The following PTPRJ variants were observed in gnomAD, a reference collection of about 807,000 sequenced individuals.
PTPRJ encodes receptor-type tyrosine-protein phosphatase eta.
PTPRJ carries 129 observed loss-of-function variants against 141.3 expected under a neutral mutation model. The ratio of observed to expected loss-of-function variants is 0.91; its 90% CI spans 0.79 to 1.06. The LOEUF is 1.06. Ranked by LOEUF, PTPRJ falls within the 50% of genes least tolerant of loss-of-function variation. The pLI is 0.00. For missense variants in PTPRJ, 1,601 were observed against 1,679.7 expected, an observed-to-expected ratio of 0.95 and a Z score of 0.82; for synonymous variants, 610 against 640.5, an observed-to-expected ratio of 0.95 and a Z score of 0.72.
chr11:48,136,197 A>T lies in PTPRJ; in HGVS notation c.1774A>T (p.Thr592Ser). ...CACAAGCACGTATGACAAAGCGATTACTCTCCAGGGCCTGATTCCGGGCAC... is the reference window on the plus strand; with the variant it reads ...CACAAGCACGTATGACAAAGCGATTTCTCTCCAGGGCCTGATTCCGGGCAC... ...NHTSTYDKAI[T>S]LQGLIPGTLY... The change falls in exon 9 of 25, where the codon ACT becomes TCT. Residue 592 changes from threonine (T) to serine (S), a missense_variant. By Grantham distance (58) the Thr-to-Ser change is moderately conservative. Transcript: ENST00000418331. 3 of 1,614,102 alleles carry T rather than the reference A, an allele frequency of 1.9e-6. No homozygotes were observed. The highest frequency in any genetic ancestry group is 2.5e-6 in the Non-Finnish European group (3 of 1,180,014).
chr11:48,145,261 A>G, intron 14 of PTPRJ, 137 bp downstream of exon 14: 10 of 1,247,966 alleles, frequency 8.0e-6, no homozygotes, highest in Non-Finnish European at 1.1e-5. Context: ...CCAGAGGTTG[A>G]GATGTCACTG....
chr11:48,130,236 A>G (rs139862079), intron 7 of PTPRJ, among the ~76,000 whole-genome samples: 1 of 151,914 alleles, frequency 6.6e-6, no homozygotes, highest in Non-Finnish European at 1.5e-5. Flanking sequence ...GATTGTGTGC[A>G]ATGTAAGCAC....
chr11:47,988,050 C>T (rs759072475), intron 1 of PTPRJ, among the ~76,000 whole-genome samples: 2 of 152,240 alleles, frequency 1.3e-5, no homozygotes, highest in Non-Finnish European at 2.9e-5. Flanking sequence ...AAACGATTTG[C>T]GTCTCCAGGG....
chr11:48,040,843 C>T (rs1199339401), intron 1 of PTPRJ, among the ~76,000 whole-genome samples: 1 of 152,160 alleles, frequency 6.6e-6, no homozygotes, highest in Non-Finnish European at 1.5e-5. Context: ...CTCAAGTGAT[C>T]TGCCCGCCTC....
chr11:48,077,420 T>A (rs1418538335), intron 1 of PTPRJ, among the ~76,000 whole-genome samples: 7 of 152,120 alleles, frequency 4.6e-5, no homozygotes, highest in Non-Finnish European at 1.0e-4. Context: ...CATGGACCCT[T>A]TGATGCTCTT....
intron 1 of PTPRJ, among the ~76,000 whole-genome samples, chr11:48,053,415 AAT>A (rs1033913311): frequency 2.8e-5 from 3 of 107,176 alleles, no homozygotes; most frequent in African/African-American, 8.1e-5. Flanking sequence ...AATATATATA[AAT>A]ATATATGTAT....
intron 1 of PTPRJ, among the ~76,000 whole-genome samples, chr11:48,054,643 T>C (rs997391321): frequency 6.6e-6 from 1 of 152,104 alleles, no homozygotes; most frequent in Non-Finnish European, 1.5e-5. Context: ...GTCCCTGATG[T>C]ACGCCAGGCC....
At position 48,127,784 on chromosome 11, in the gene PTPRJ, T is replaced by A; in HGVS notation, c.1098T>A (p.Ala366=). ...ACTCCTCTTGTGTTCTCACAGATGC[T>A]ATTCAGGTTTTTGACGTCACCGCTG... is the stretch of plus-strand genomic sequence containing the variant. ...QPQAIEFRTN[A]IQVFDVTAVN... Residue 366 remains alanine (A), a synonymous_variant, in exon 7 of 25, where the codon GCT becomes GCA. Coordinates refer to ENST00000418331, the MANE Select transcript of PTPRJ (RefSeq NM_002843.4). 6.2e-7 allele frequency: 1 copy of A among 1,614,056 alleles called. No homozygotes were observed. Among genetic ancestry groups the A allele is most frequent in the South Asian group, 1.1e-5 (1 of 91,080 alleles).
chr11:48,139,406 A>C, intron 10 of PTPRJ, 80 bp from the exon 11 acceptor site: 1 of 1,474,514 alleles, frequency 6.8e-7, no homozygotes, highest in Non-Finnish European at 9.3e-7. Context: ...TCTCATCCCC[A>C]GGATTCTGCT....
chr11:48,136,175 A>G lies in PTPRJ; in HGVS notation c.1752A>G (p.Thr584=). Residue 584 remains threonine, a synonymous_variant, in exon 9 of 25, where the codon ACA becomes ACG. Transcript: ENST00000418331. ...VIESKHGSNH[T]STYDKAITLQ... ...AGTCCAAGCATGGCTCTAACCACAC[A>G]AGCACGTATGACAAAGCGATTACTC... 1 of 1,614,150 alleles carries G rather than the reference A, an allele frequency of 6.2e-7. No individual in the cohort carries two copies. The highest frequency in any genetic ancestry group is 8.5e-7 in the Non-Finnish European group (1 of 1,180,022).
At chr11:48,115,164 C>G (rs879770466) in intron 3 of PTPRJ, among the ~76,000 whole-genome samples, 12 of 152,256 alleles carry the variant, frequency 7.9e-5, no homozygotes, top group Middle Eastern at 6.8e-3. Flanking sequence ...AGAAAACTCT[C>G]CAAACCTGGA....
At chr11:48,004,992 T>TG (rs747278357) in intron 1 of PTPRJ, among the ~76,000 whole-genome samples, 4 of 151,914 alleles carry the variant, frequency 2.6e-5, no homozygotes, top group Non-Finnish European at 4.4e-5. Context: ...GAGGCTGAGG[T>TG]GGGTGGATCA....
Position 48,164,395 on chromosome 11 carries a change from G to A in PTPRJ, c.3735G>A (p.Arg1245=). Reference sequence around the variant, plus strand: ...TTTCTCTCAGTGCTGGGGTCGGAAGGACGGGCACTTTCATTGCCATTGATC... The same window carrying A: ...TTTCTCTCAGTGCTGGGGTCGGAAGAACGGGCACTTTCATTGCCATTGATC... ...ILVHCSAGVG[R]TGTFIAIDRL... is the part of the protein sequence containing the mutation. The change falls in exon 24 of 25, where the codon AGG becomes AGA. Residue 1245 remains arginine (R), a synonymous_variant. Coordinates refer to ENST00000418331, the MANE Select transcript of PTPRJ (RefSeq NM_002843.4). 1.2e-6 allele frequency: 2 copies of A among 1,614,046 alleles called. No homozygotes were observed. Among genetic ancestry groups the A allele is most frequent in the Non-Finnish European group, 1.7e-6 (2 of 1,179,998 alleles).
At position 48,125,187 on chromosome 11, in the gene PTPRJ, G is replaced by A; in HGVS notation, c.1093+1G>A. 8.7e-6 allele frequency: 14 copies of A among 1,614,026 alleles called. No individual in the cohort carries two copies. Among genetic ancestry groups the A allele is most frequent in the Non-Finnish European group, 1.2e-5 (14 of 1,179,902 alleles). ...CCCCAGGCCATAGAGTTCAGGACAA[G>A]TAGGTTGAACTTTGTAAAATGGTGG... On this transcript the variant is annotated splice_donor_variant, in intron 6 of 24. Coordinates refer to ENST00000418331, the MANE Select transcript of PTPRJ (RefSeq NM_002843.4). LOFTEE classifies it high-confidence loss of function.
rs1397489328 is a variant in PTPRJ, at chr11:48,160,063, C to T, written c.3558+14C>T. On this transcript the variant is annotated intron_variant, in intron 22 of 24. Coordinates refer to ENST00000418331, the MANE Select transcript of PTPRJ (RefSeq NM_002843.4). Reference sequence around the variant, plus strand: ...ACAGTGAAAAATGTAAGTAAGAAGTCAGGATCAGTTGAGCTCATGTAATTA... The same window carrying T: ...ACAGTGAAAAATGTAAGTAAGAAGTTAGGATCAGTTGAGCTCATGTAATTA... 6.2e-7 allele frequency: 1 copy of T among 1,613,048 alleles called. No individual in the cohort carries two copies. The highest frequency in any genetic ancestry group is 8.5e-7 in the Non-Finnish European group (1 of 1,179,266).
At chr11:48,086,136 G>A (rs916561685) in intron 1 of PTPRJ, among the ~76,000 whole-genome samples, 1 of 152,182 alleles carries the variant, frequency 6.6e-6, no homozygotes, top group Non-Finnish European at 1.5e-5. Context: ...AGCTGAACAA[G>A]GGTTGCCTGT....
At chr11:48,046,906 ATATATATTTTTTTTT>A (rs1344818501) in intron 1 of PTPRJ, among the ~76,000 whole-genome samples, 293 of 84,272 alleles carry the variant, frequency 3.5e-3, no homozygotes, top group African/African-American at 0.025. Context: ...ATATATATAT[ATATATATTTTTTTTT>A]TTTTTTTTTT....
In PTPRJ at chr11:48,021,230, C is replaced by T. The variant is rs577839053; in HGVS notation, c.96+40222C>T. On this transcript the variant is annotated intron_variant, in intron 1 of 24. Coordinates refer to ENST00000418331, the MANE Select transcript of PTPRJ (RefSeq NM_002843.4). ...CTCTACTAAAAATACAAAAATTAGC[C>T]GGGCGTGTTGGCATGTGCCTGTAAT... 4.6e-5 allele frequency among the ~76,000 whole-genome samples: 7 copies of T among 151,980 alleles called. No homozygotes were observed. In the South Asian group the frequency reaches 1.0e-3, roughly 23 times the overall value.
chr11:48,148,586 C>T (rs1050484072), intron 15 of PTPRJ, among the ~76,000 whole-genome samples: 1 of 152,030 alleles, frequency 6.6e-6, no homozygotes. Context: ...TACAGGTGCC[C>T]GCCACCATGC....
Sources: allele counts gnomAD v4.1 joint callset (sites outside exome capture counted in the v4.1 genomes callset), GRCh38; gene constraint gnomAD v4.1.1; transcripts MANE v1.5; gene names NCBI Gene and HGNC (gene_info 2026-07-23, HGNC 2026-07-21).